TNRC18: variants seen among roughly 807,000 people sequenced by gnomAD.
The protein encoded by TNRC18 is trinucleotide repeat containing 18, also known as trinucleotide repeat-containing gene 18 protein.
A neutral mutation model predicts 226.7 loss-of-function variants in TNRC18; 69 were observed. The ratio of observed to expected loss-of-function variants is 0.30; its 90% CI spans 0.25 to 0.37. The LOEUF is 0.37. TNRC18 is among the 10% of genes least tolerant of loss of function. TNRC18 has a pLI of 1.00. For missense variants in TNRC18, 4,754 were observed against 4,256.6 expected, an observed-to-expected ratio of 1.12 and a Z score of -3.25; for synonymous variants, 2,449 against 1,927.6, an observed-to-expected ratio of 1.27 and a Z score of -7.09.
chr7:5,332,846 G>A lies in TNRC18; in HGVS notation c.5923C>T (p.Arg1975Trp), dbSNP rs1469945450. ...VEKGRKARKL[R>W]GPKEPGFEAG... ...TCGAAGCCAGGCTCCTTGGGGCCCC[G>A]CAGCTTCCGGGCCTTGCGCCCCTTC... is the stretch of plus-strand genomic sequence containing the variant. Residue 1975 changes from arginine (R) to tryptophan (W), a missense_variant, in exon 19 of 30, where the codon CGG becomes TGG. Coordinates refer to ENST00000430969, the MANE Select transcript of TNRC18 (RefSeq NM_001080495.3). The A allele has an allele frequency of 1.3e-6, 2 of 1,508,828 alleles. No individual in the cohort carries two copies. The highest frequency in any genetic ancestry group is 1.4e-5 in the African/African-American group (1 of 69,690). 93.5% of individuals were successfully genotyped at this position (1,508,828 alleles called of 1,614,324 possible). A position where few individuals can be genotyped will look rare whatever the true frequency, so the allele number is the denominator to read the frequency against.
chr7:5,392,068 G>A (rs1780341653), intron 3 of TNRC18, among the ~76,000 whole-genome samples: 1 of 151,904 alleles, frequency 6.6e-6, no homozygotes, highest in African/African-American at 2.4e-5. Context: ...GGTCCACTGG[G>A]CCGATGTCTT....
intron 19 of TNRC18, among the ~76,000 whole-genome samples, chr7:5,330,945 G>C (rs1196326255): frequency 6.6e-6 from 1 of 152,162 alleles, no homozygotes; most frequent in Admixed American, 6.6e-5. Context: ...AAAGTGCTGG[G>C]ATTACAGGTG....
rs189609643 is a variant in TNRC18 at position 5,327,320 on chromosome 7, T to C, written c.6148-2072A>G. 2.1e-3 allele frequency among the ~76,000 whole-genome samples: 327 copies of C among 152,302 alleles called. 1 individual carries two copies. The highest frequency in any genetic ancestry group is 4.1e-3 in the Non-Finnish European group (280 of 68,038). On this transcript the variant is annotated intron_variant, in intron 19 of 29. Transcript: ENST00000430969. ...TGGTATGTTCTAGGGAAAAAGAATA[T>C]ACAGTTTAATCCCCATTTTGGGGGG...
intron 5 of TNRC18, among the ~76,000 whole-genome samples, chr7:5,380,099 TTCTCC>T (rs1441840542): frequency 6.6e-6 from 1 of 152,138 alleles, no homozygotes; most frequent in Non-Finnish European, 1.5e-5. Flanking sequence ...GGAATCAAGC[TTCTCC>T]TCTCATCTCT....
At chr7:5,422,101 C>T (rs1198645206) in intron 1 of TNRC18, among the ~76,000 whole-genome samples, 1 of 152,110 alleles carries the variant, frequency 6.6e-6, no homozygotes, top group South Asian at 2.1e-4. Flanking sequence ...GGTCCCCCCC[C>T]TTTCTCCCCC....
intron 21 of TNRC18, among the ~76,000 whole-genome samples, chr7:5,321,428 C>T (rs1487368494): frequency 2.0e-5 from 3 of 152,126 alleles, no homozygotes; most frequent in Admixed American, 6.5e-5. Flanking sequence ...GCCCCCTCCC[C>T]TGCCTGGCCC....
chr7:5,343,324 A>T (rs531200882), intron 18 of TNRC18, among the ~76,000 whole-genome samples: 1 of 152,332 alleles, frequency 6.6e-6, no homozygotes, highest in South Asian at 2.1e-4. Context: ...ACTACACTTC[A>T]GCCTGGGTGA....
chr7:5,324,988 C>A lies in TNRC18; in HGVS notation c.6300+108G>T. 1 of 1,336,934 alleles carries A rather than the reference C, an allele frequency of 7.5e-7. No homozygotes were observed. The highest frequency in any genetic ancestry group is 1.0e-6 in the Non-Finnish European group (1 of 997,784). 82.8% of individuals were successfully genotyped at this position (1,336,934 alleles called of 1,614,324 possible). ...CGTCACCCGCAACCTCTCTGAGCCA[C>A]AGCTATAGGGAGGGTGAATACAGAG... On this transcript the variant is annotated intron_variant, in intron 20 of 29. Coordinates refer to ENST00000430969, the MANE Select transcript of TNRC18 (RefSeq NM_001080495.3). This position sits in a 1 kb window ranked among gnomAD's most constrained non-coding sequence, Gnocchi z 4.8.
chr7:5,354,520 C>G lies in TNRC18; in HGVS notation c.5194+2396G>C, dbSNP rs141649198. On this transcript the variant is annotated intron_variant, in intron 16 of 29. Transcript: ENST00000430969. ...GCAAAAGAAAGCCCCTCCCTTCCCC[C>G]TCAGAGTGATGAGTCTCTGGCACTG... Among the ~76,000 whole-genome samples the G allele has an allele frequency of 8.5e-5, 13 of 152,230 alleles. No individual in the cohort carries two copies. The East Asian group carries it at 2.5e-3, about 30-fold the overall frequency.
At chr7:5,403,165 CTT>C (rs567575917) in intron 2 of TNRC18, among the ~76,000 whole-genome samples, 22 of 145,260 alleles carry the variant, frequency 1.5e-4, no homozygotes, top group South Asian at 4.4e-4. Flanking sequence ...TTTATCTTCA[CTT>C]TTTTTTTTTT....
At chr7:5,378,123 C>A in intron 5 of TNRC18, 99 bp from the exon 6 acceptor site, 2 of 890,036 alleles carry the variant, frequency 2.2e-6, no homozygotes, top group South Asian at 1.5e-5. Flanking sequence ...CCCCCCAGAG[C>A]CCCGACGGTC....
chr7:5,404,349 C>T (rs372912202), intron 2 of TNRC18, among the ~76,000 whole-genome samples: 41 of 151,894 alleles, frequency 2.7e-4, no homozygotes, highest in Admixed American at 1.8e-3. Context: ...CCAGCCTGGG[C>T]GACAGAGCAA....
Position 5,376,978 on chromosome 7 carries a change from G to A in TNRC18, c.2477C>T (p.Ser826Phe). 1.3e-6 allele frequency: 2 copies of A among 1,583,372 alleles called. No homozygotes were observed. The highest frequency in any genetic ancestry group is 1.2e-5 in the South Asian group (1 of 86,748). ...CGCAGGGGCCATGCCCTGGTGCAGA[G>A]ATGGGGGACCCAAGCCTAGGAGGAG... ...AGHPYGLGPP[S>F]LHQGMAPAFP... is the part of the protein sequence containing the mutation. The change falls in exon 8 of 30, where the codon TCT becomes TTT. Residue 826 changes from serine to phenylalanine, a missense_variant. Ser to Phe is a radical substitution (Grantham distance 155, BLOSUM62 -2). Transcript: ENST00000430969.
At chr7:5,397,249 G>T (rs534457962) in intron 2 of TNRC18, among the ~76,000 whole-genome samples, 27 of 152,324 alleles carry the variant, frequency 1.8e-4, no homozygotes, top group Non-Finnish European at 3.2e-4. Flanking sequence ...TGCTGTGGCA[G>T]GCGGGTGGGT....
At chr7:5,349,980 G>A (rs1481526814) in intron 17 of TNRC18, among the ~76,000 whole-genome samples, 1 of 152,170 alleles carries the variant, frequency 6.6e-6, no homozygotes, top group African/African-American at 2.4e-5. Flanking sequence ...TGGCACTGCG[G>A]CGCCAGCCCG....
intron 2 of TNRC18, among the ~76,000 whole-genome samples, chr7:5,397,656 T>TG (rs1342982975): frequency 6.6e-6 from 1 of 152,190 alleles, no homozygotes; most frequent in Non-Finnish European, 1.5e-5. Context: ...GTCAGGAGCC[T>TG]GCCCCTTTCC....
At chr7:5,396,507 C>T (rs976689248) in intron 2 of TNRC18, among the ~76,000 whole-genome samples, 4 of 152,124 alleles carry the variant, frequency 2.6e-5, no homozygotes, top group South Asian at 2.1e-4. Context: ...CCAATCCAGG[C>T]GACAGAACAA....
At chr7:5,410,333 AAAG>A (rs1430664304) in intron 2 of TNRC18, among the ~76,000 whole-genome samples, 2 of 151,328 alleles carry the variant, frequency 1.3e-5, no homozygotes, top group Non-Finnish European at 2.9e-5. Flanking sequence ...AAAAAAAAGA[AAAG>A]AAAAAATTCA....
At chr7:5,372,753 G>A (rs971574835) in intron 10 of TNRC18, among the ~76,000 whole-genome samples, 23 of 152,068 alleles carry the variant, frequency 1.5e-4, no homozygotes, top group African/African-American at 5.6e-4. Context: ...TAGCTGCAGT[G>A]GTCTCAAGCC....
Sources: gnomAD v4.1 joint callset for allele counts (sites outside exome capture counted in the v4.1 genomes callset) on GRCh38, gnomAD v4.1.1 for gene constraint, Gnocchi (gnomAD v3.1) non-coding constraint, MANE v1.5 for transcripts, NCBI Gene and HGNC (gene_info 2026-07-23, HGNC 2026-07-21) for gene names.